The following CHPF variants were observed in gnomAD, a reference collection of about 807,000 sequenced individuals.
CHPF encodes the protein chondroitin polymerizing factor, non-catalytic subunit.
CHPF carries 34 observed loss-of-function variants against 55.1 expected under a neutral mutation model. That is an observed-to-expected ratio of 0.62 (90% confidence interval 0.47 to 0.82). The LOEUF (loss-of-function observed/expected upper bound fraction) is 0.82, where lower values mean the gene tolerates loss of function less well. CHPF is among the 40% of genes least tolerant of loss of function. CHPF has a pLI of 0.00. For missense variants in CHPF, 961 were observed against 1,106.1 expected (o/e 0.87, Z 1.86); for synonymous variants, 489 against 496.6 (o/e 0.98, Z 0.20).
chr2:219,540,696 C>A, intron 3 of CHPF, 54 bp from the exon 4 acceptor site: 1 of 1,501,744 alleles, frequency 6.7e-7, no homozygotes. Context: ...GAGCAGCACA[C>A]AGCTGGGGGA....
rs1181064998 is a variant in CHPF at position 219,543,225 on chromosome 2, C to T, written c.314G>A (p.Arg105Lys). 6.4e-7 allele frequency: 1 copy of T among 1,551,356 alleles called. No homozygotes were observed. The highest frequency in any genetic ancestry group is 8.6e-7 in the Non-Finnish European group (1 of 1,159,740). ...TAGAGCGGGCGCAGCCGATCACTAC[C>T]TGACGGCCTTTTTGGCGGCCTGGCC... is the stretch of plus-strand genomic sequence containing the variant. Reference protein sequence around the residue: ...QPGQAAKKAVRTRYISTELGI... With the variant: ...QPGQAAKKAVKTRYISTELGI... The change falls in exon 1 of 4, where the codon AGG (arginine) becomes AAG (lysine). Residue 105 changes from arginine (R) to lysine (K), a missense_variant and splice_region_variant. Around this residue, in one of 3 missense-constraint regions of CHPF, gnomAD observed 936 missense variants for 1,058.4 expected, o/e 0.88. Coordinates refer to ENST00000243776, the MANE Select transcript of CHPF (RefSeq NM_024536.6).
At position 219,539,395 on chromosome 2, in the gene CHPF, G is replaced by T; in HGVS notation, c.2316C>A (p.Gly772=). The change falls in exon 4 of 4, where the codon GGC becomes GGA. Residue 772 remains glycine (G), a synonymous_variant. Coordinates refer to ENST00000243776, the MANE Select transcript of CHPF (RefSeq NM_024536.6). ...GGACAGGGTGGGGTCAGGTGCTGTT[G>T]CCCTGCTCCTGTTCAAAGAGTAGCA... ...LAMLLFEQEQ[G]NST is the part of the protein sequence containing the mutation. 1.2e-6 allele frequency: 2 copies of T among 1,600,772 alleles called. No individual in the cohort carries two copies. Among genetic ancestry groups the T allele is most frequent in the Non-Finnish European group, 1.7e-6 (2 of 1,170,814 alleles).
rs893612016 is a variant in CHPF at position 219,543,047 on chromosome 2, A to G, written c.314+178T>C. On this transcript the variant is annotated intron_variant, in intron 1 of 3. Coordinates refer to ENST00000243776, the MANE Select transcript of CHPF (RefSeq NM_024536.6). ...CCCAGGCCGGGATAGGGCCCAGAGA[A>G]AGTCTCGGACTGGCCCCACGGCTCT... is the stretch of plus-strand genomic sequence containing the variant. The G allele has an allele frequency of 1.2e-5, 16 of 1,358,830 alleles. No homozygotes were observed. The Middle Eastern group carries it at 3.5e-3, about 300-fold the overall frequency. 84.2% of individuals were successfully genotyped at this position (1,358,830 alleles called of 1,614,324 possible).
intron 2 of CHPF, chr2:219,541,403 C>T: frequency 1.8e-6 from 1 of 557,182 alleles, no homozygotes; most frequent in African/African-American, 1.9e-5. Context: ...TTTTTCTAAT[C>T]CTTGTAACAA....
chr2:219,543,038 GCC>G lies in CHPF; in HGVS notation c.314+185_314+186del, dbSNP rs1695311445. ...TAAGTTCAGCCCAGGCCGGGATAGG[GCC>G]CAGAGAAAGTCTCGGACTGGCCCCA... On this transcript the variant is annotated intron_variant, in intron 1 of 3. Transcript: ENST00000243776. 7 of 1,359,696 alleles carry G rather than the reference GCC, an allele frequency of 5.1e-6. 1 individual carries two copies. Among genetic ancestry groups the G allele is most frequent in the Non-Finnish European group, 6.6e-6 (7 of 1,063,194 alleles). 84.2% of individuals were successfully genotyped at this position (1,359,696 alleles called of 1,614,324 possible).
At position 219,541,670 on chromosome 2, in the gene CHPF, C is replaced by G; in HGVS notation, c.834G>C (p.Trp278Cys). ...NDIVSARPDE[W>C]LGRCILDATG... ...TGGCATCGAGAATGCAGCGACCCAGCCACTCGTCAGGGCGCGCACTGACGA... is the reference window on the plus strand; with the variant it reads ...TGGCATCGAGAATGCAGCGACCCAGGCACTCGTCAGGGCGCGCACTGACGA... The change falls in exon 2 of 4, where the codon TGG becomes TGC. Residue 278 changes from tryptophan to cysteine, a missense_variant. By Grantham distance (215) the Trp-to-Cys change is radical. Around this residue, in one of 3 missense-constraint regions of CHPF, gnomAD observed 936 missense variants for 1,058.4 expected, o/e 0.88. Transcript: ENST00000243776. 1 of 1,606,210 alleles carries G rather than the reference C, an allele frequency of 6.2e-7. No individual in the cohort carries two copies. Among genetic ancestry groups the G allele is most frequent in the Non-Finnish European group, 8.5e-7 (1 of 1,174,852 alleles).
At position 219,540,442 on chromosome 2, in the gene CHPF, G is replaced by A. The variant is rs575630904; in HGVS notation, c.1269C>T (p.Ala423=). Residue 423 remains alanine, a synonymous_variant, in exon 4 of 4, where the codon GCC becomes GCT. Coordinates refer to ENST00000243776, the MANE Select transcript of CHPF (RefSeq NM_024536.6). ...PLRGADRADV[A]DVLGTALEEL... is the part of the protein sequence containing the mutation. ...CCTCTAGAGCTGTCCCCAGAACATC[G>A]GCCACATCAGCCCGGTCAGCCCCAC... 6.8e-6 allele frequency: 11 copies of A among 1,613,568 alleles called. No individual in the cohort carries two copies. Among genetic ancestry groups the A allele is most frequent in the Non-Finnish European group, 5.9e-6 (7 of 1,179,970 alleles).
intron 1 of CHPF, among the ~76,000 whole-genome samples, chr2:219,542,679 A>AT (rs1695302405): frequency 6.6e-6 from 1 of 152,182 alleles, no homozygotes; most frequent in South Asian, 2.1e-4. Context: ...AACTGCACTC[A>AT]GGGGCTCTAG....
At position 219,540,293 on chromosome 2, in the gene CHPF, G is replaced by T. The variant is rs748351385; in HGVS notation, c.1418C>A (p.Thr473Asn). The T allele has an allele frequency of 1.2e-6, 2 of 1,613,884 alleles. No individual in the cohort carries two copies. The highest frequency in any genetic ancestry group is 2.2e-5 in the East Asian group (1 of 44,884). ...GAGGGGCCGGCGGCCTCCCTGGGGG[G>T]TCAGTGCCTCCAGCTGCAAGTCCAG... ...YTLDLQLEAL[T>N]PQGGRRPLTR... Residue 473 changes from threonine to asparagine, a missense_variant, in exon 4 of 4, where the codon ACC becomes AAC. This residue lies in a region of CHPF where 936 missense variants were observed against 1,058.4 expected (regional missense o/e 0.88). Coordinates refer to ENST00000243776, the MANE Select transcript of CHPF (RefSeq NM_024536.6).
At chr2:219,541,569 A>G (rs1320381017) in intron 2 of CHPF, 47 bp downstream of exon 2, 15 of 1,435,358 alleles carry the variant, frequency 1.0e-5, no homozygotes, top group Middle Eastern at 3.6e-4. Context: ...TCTCAGAGGG[A>G]TTTGAACATG....
Position 219,539,742 on chromosome 2 carries a change from G to C in CHPF, c.1969C>G (p.Pro657Ala). 6.2e-7 allele frequency: 1 copy of C among 1,613,546 alleles called. No individual in the cohort carries two copies. The change falls in exon 4 of 4, where the codon CCT becomes GCT. Residue 657 changes from proline to alanine, a missense_variant. Physicochemically the swap from Pro to Ala is conservative, Grantham distance 27. Around this residue, in one of 3 missense-constraint regions of CHPF, gnomAD observed 936 missense variants for 1,058.4 expected, o/e 0.88. Coordinates refer to ENST00000243776, the MANE Select transcript of CHPF (RefSeq NM_024536.6). Reference protein sequence around the residue: ...FHPAVAPPQGPGPPELGRDTG... With the variant: ...FHPAVAPPQGAGPPELGRDTG... ...TCACGGCCCAGCTCTGGGGGCCCAGGCCCTTGTGGTGGGGCCACAGCTGGG... is the reference window on the plus strand; with the variant it reads ...TCACGGCCCAGCTCTGGGGGCCCAGCCCCTTGTGGTGGGGCCACAGCTGGG...
In CHPF at chr2:219,539,982, A is replaced by G. The variant is rs1325768513; in HGVS notation, c.1729T>C (p.Phe577Leu). 6.2e-7 allele frequency: 1 copy of G among 1,613,610 alleles called. No homozygotes were observed. The highest frequency in any genetic ancestry group is 8.5e-7 in the Non-Finnish European group (1 of 1,179,978). ...KAHVAELERR[F>L]PGARVPWLSV... Reference sequence around the variant, plus strand: ...AGCCATGGCACCCGGGCACCGGGGAAACGCCGCTCCAGCTCTGCCACGTGG... The same window carrying G: ...AGCCATGGCACCCGGGCACCGGGGAGACGCCGCTCCAGCTCTGCCACGTGG... Residue 577 changes from phenylalanine to leucine, a missense_variant, in exon 4 of 4, where the codon TTC becomes CTC. Phe to Leu is a conservative substitution (Grantham distance 22). Transcript: ENST00000243776.
intron 1 of CHPF, among the ~76,000 whole-genome samples, chr2:219,542,646 G>A (rs1250067216): frequency 6.6e-6 from 1 of 152,180 alleles, no homozygotes; most frequent in African/African-American, 2.4e-5. Context: ...GGGGTGTACT[G>A]AGTGTTTTTG....
In CHPF at chr2:219,539,549, C is replaced by T. The variant is rs778149340; in HGVS notation, c.2162G>A (p.Arg721Gln). Reference sequence around the variant, plus strand: ...CTGCAGCAGCGCCGGCTCCACCGCCCGCAGCACATGCAGACTGGAGAAGTG... The same window carrying T: ...CTGCAGCAGCGCCGGCTCCACCGCCTGCAGCACATGCAGACTGGAGAAGTG... ...FLHFSSLHVL[R>Q]AVEPALLQRY... Residue 721 changes from arginine (R) to glutamine (Q), a missense_variant, in exon 4 of 4, where the codon CGG becomes CAG. Around this residue, in one of 3 missense-constraint regions of CHPF, gnomAD observed 936 missense variants for 1,058.4 expected, o/e 0.88. Coordinates refer to ENST00000243776, the MANE Select transcript of CHPF (RefSeq NM_024536.6). 7.4e-6 allele frequency: 12 copies of T among 1,613,782 alleles called. No homozygotes were observed. The East Asian group carries it at 8.9e-5, about 12-fold the overall frequency.
Position 219,541,859 on chromosome 2 carries a change from G to A in CHPF, c.645C>T (p.His215=). The part of the protein sequence containing the change: ...EAHGLARLTG[H]LSLASAAHLY... The stretch of plus-strand genomic sequence containing the variant: ...GGTGGGCGGCGGAGGCCAGGCTGAG[G>A]TGGCCAGTTAGGCGTGCCAGGCCGT... Residue 215 remains histidine, a synonymous_variant, in exon 2 of 4, where the codon CAC becomes CAT. Coordinates refer to ENST00000243776, the MANE Select transcript of CHPF (RefSeq NM_024536.6). The A allele has an allele frequency of 6.2e-7, 1 of 1,612,172 alleles. No individual in the cohort carries two copies. Among genetic ancestry groups the A allele is most frequent in the African/African-American group, 1.3e-5 (1 of 75,034 alleles).
Position 219,541,665 on chromosome 2 carries a change from C to T in CHPF, c.839G>A (p.Gly280Asp). 6.2e-7 allele frequency: 1 copy of T among 1,603,784 alleles called. No homozygotes were observed. Among genetic ancestry groups the T allele is most frequent in the Non-Finnish European group, 8.5e-7 (1 of 1,173,098 alleles). Reference protein sequence around the residue: ...IVSARPDEWLGRCILDATGVG... With the variant: ...IVSARPDEWLDRCILDATGVG... Reference sequence around the variant, plus strand: ...CCCGGTGGCATCGAGAATGCAGCGACCCAGCCACTCGTCAGGGCGCGCACT... The same window carrying T: ...CCCGGTGGCATCGAGAATGCAGCGATCCAGCCACTCGTCAGGGCGCGCACT... Residue 280 changes from glycine to aspartate, a missense_variant, in exon 2 of 4, where the codon GGT becomes GAT. Gly to Asp is a moderately conservative substitution (Grantham distance 94). This residue lies in a region of CHPF where 936 missense variants were observed against 1,058.4 expected (regional missense o/e 0.88). Coordinates refer to ENST00000243776, the MANE Select transcript of CHPF (RefSeq NM_024536.6).
Position 219,540,233 on chromosome 2 carries a change from C to A in CHPF, c.1478G>T (p.Arg493Leu). The change falls in exon 4 of 4, where the codon CGC becomes CTC. Residue 493 changes from arginine (R) to leucine (L), a missense_variant. Arg to Leu is a moderately radical substitution (Grantham distance 102). Transcript: ENST00000243776. Reference protein sequence around the residue: ...RRVQLLRPLSRVEILPVPYVT... With the variant: ...RRVQLLRPLSLVEILPVPYVT... ...ATAGGGCACAGGCAAGATCTCCACG[C>A]GGCTCAGCGGCCGGAGCAGCTGCAC... 2 of 1,613,652 alleles carry A rather than the reference C, an allele frequency of 1.2e-6. No individual in the cohort carries two copies. The highest frequency in any genetic ancestry group is 1.7e-6 in the Non-Finnish European group (2 of 1,179,796).
In CHPF at chr2:219,539,791, A is replaced by G; in HGVS notation, c.1920T>C (p.Phe640=). The G allele has an allele frequency of 6.2e-7, 1 of 1,613,476 alleles. No homozygotes were observed. Among genetic ancestry groups the G allele is most frequent in the South Asian group, 1.1e-5 (1 of 91,090 alleles). The change falls in exon 4 of 4, where the codon TTT becomes TTC. Residue 640 remains phenylalanine, a synonymous_variant. Transcript: ENST00000243776. ...GGTGGAAGGCTTGGAAATGCATGGG[A>G]AAGAAGGCCTGCCAGCCGGAGATGG... The part of the protein sequence containing the change: ...MHAISGWQAF[F]PMHFQAFHPA...
At chr2:219,542,989 G>T in intron 1 of CHPF, 1 of 1,292,850 alleles carries the variant, frequency 7.7e-7, no homozygotes, top group Non-Finnish European at 9.8e-7. Flanking sequence ...CCATCGGGTC[G>T]AGCCGGTTTA....
Sources: allele counts gnomAD v4.1 joint callset (sites outside exome capture counted in the v4.1 genomes callset), GRCh38; gene constraint gnomAD v4.1.1; regional missense constraint gnomAD v4.1.1; transcripts MANE v1.5; gene names NCBI Gene and HGNC (gene_info 2026-07-23, HGNC 2026-07-21).